The following NAALADL2 variants were observed in gnomAD, a reference collection of about 807,000 sequenced individuals.
NAALADL2 encodes the protein inactive N-acetylated-alpha-linked acidic dipeptidase-like protein 2.
In NAALADL2, 76 loss-of-function variants were observed where a neutral mutation model predicts 87.2. That is an observed-to-expected ratio of 0.87 (90% CI 0.72 to 1.05). NAALADL2 has a LOEUF of 1.05. Ranked by LOEUF, NAALADL2 falls within the 50% of genes least tolerant of loss-of-function variation. The pLI is 0.00. For missense variants in NAALADL2, 1,089 were observed against 945.8 expected, an observed-to-expected ratio of 1.15 and a Z score of -1.99; for synonymous variants, 354 against 331.0, an observed-to-expected ratio of 1.07 and a Z score of -0.75.
At chr3:175,393,310 A>AT (rs1769316360) in intron 5 of NAALADL2, among the ~76,000 whole-genome samples, 1 of 149,148 alleles carries the variant, frequency 6.7e-6, no homozygotes, top group Non-Finnish European at 1.5e-5. Flanking sequence ...AAAAAAAAAA[A>AT]AAAAAATTGT....
chr3:175,583,476 G>T (rs925344489), intron 10 of NAALADL2, among the ~76,000 whole-genome samples: 1 of 125,634 alleles, frequency 8.0e-6, no homozygotes, highest in Non-Finnish European at 1.6e-5. Context: ...ACGACAATCT[G>T]AAAGGATGAG....
At chr3:174,753,184 C>T (rs1376985177) in intron 3 of NAALADL2, among the ~76,000 whole-genome samples, 1 of 152,132 alleles carries the variant, frequency 6.6e-6, no homozygotes, top group African/African-American at 2.4e-5. Flanking sequence ...AGCGATTCTC[C>T]TGCCTCAGCC....
chr3:174,899,188 T>G (rs1290555621), intron 1 of NAALADL2, among the ~76,000 whole-genome samples: 1 of 152,172 alleles, frequency 6.6e-6, no homozygotes, highest in East Asian at 1.9e-4. Flanking sequence ...TTAACTAAAT[T>G]TTATGCTATT....
intron 3 of NAALADL2, among the ~76,000 whole-genome samples, chr3:174,818,005 A>G (rs1486770479): frequency 6.6e-6 from 1 of 152,160 alleles, no homozygotes; most frequent in African/African-American, 2.4e-5. Context: ...TGTTCTTCAA[A>G]ATGCAACCCG....
chr3:174,979,307 T>TTC (rs1553909032), intron 1 of NAALADL2, among the ~76,000 whole-genome samples: 1 of 140,348 alleles, frequency 7.1e-6, no homozygotes, highest in South Asian at 2.2e-4. Context: ...TTCTTTTCTT[T>TTC]TTTTTTTTTT....
chr3:175,148,804 T>C (rs1553790508), intron 2 of NAALADL2, among the ~76,000 whole-genome samples: 1 of 152,154 alleles, frequency 6.6e-6, no homozygotes, highest in Non-Finnish European at 1.5e-5. Context: ...GGTCTATGTG[T>C]CTCTTTTTGT....
At chr3:174,628,855 T>C (rs553114340) in intron 2 of NAALADL2, among the ~76,000 whole-genome samples, 1 of 152,352 alleles carries the variant, frequency 6.6e-6, no homozygotes, top group East Asian at 1.9e-4. Context: ...TGTACCCTGA[T>C]CGAGGAACTT....
chr3:174,899,493 G>A (rs1732044182), intron 1 of NAALADL2, among the ~76,000 whole-genome samples: 1 of 152,126 alleles, frequency 6.6e-6, no homozygotes, highest in East Asian at 1.9e-4. Flanking sequence ...TTGCTTAAAA[G>A]TGTGTGGCAC....
chr3:175,417,757 C>T (rs1392015746), intron 5 of NAALADL2, among the ~76,000 whole-genome samples: 1 of 152,104 alleles, frequency 6.6e-6, no homozygotes, highest in African/African-American at 2.4e-5. Flanking sequence ...TAGTGTGTAA[C>T]ACATATTTAG....
At chr3:175,512,718 T>G (rs1224178100) in intron 9 of NAALADL2, among the ~76,000 whole-genome samples, 1 of 152,140 alleles carries the variant, frequency 6.6e-6, no homozygotes, top group Non-Finnish European at 1.5e-5. Context: ...AGACCAGCAG[T>G]CTTCCAAATG....
chr3:174,648,500 C>T (rs1560116468), intron 2 of NAALADL2, among the ~76,000 whole-genome samples: 1 of 152,052 alleles, frequency 6.6e-6, no homozygotes, highest in Non-Finnish European at 1.5e-5. Flanking sequence ...AAAATCTATG[C>T]TAAGTATATA....
chr3:175,399,114 A>G (rs1389219856), intron 5 of NAALADL2, among the ~76,000 whole-genome samples: 1 of 152,100 alleles, frequency 6.6e-6, no homozygotes, highest in Non-Finnish European at 1.5e-5. Flanking sequence ...CTAAGTTAAA[A>G]AGAAAAAGAT....
intron 6 of NAALADL2, among the ~76,000 whole-genome samples, chr3:175,459,673 G>A (rs1056493689): frequency 2.0e-5 from 3 of 152,100 alleles, no homozygotes; most frequent in African/African-American, 7.2e-5. Context: ...TGCTACACTA[G>A]GAGGAGACAA....
In NAALADL2 at chr3:175,621,673, T is replaced by TA. The variant is rs926542344; in HGVS notation, c.1801-5612dup. ...ACTACAATAAGAAAAATACTATAAA[T>TA]AAAAAATATAACAACTATTTACATA... On this transcript the variant is annotated intron_variant, in intron 10 of 13. Coordinates refer to ENST00000454872, the MANE Select transcript of NAALADL2 (RefSeq NM_207015.3). Among the ~76,000 whole-genome samples the TA allele has an allele frequency of 1.3e-4, 20 of 152,220 alleles. 2 individuals carry two copies. The Middle Eastern group carries it at 0.014, about 104-fold the overall frequency.
intron 9 of NAALADL2, among the ~76,000 whole-genome samples, chr3:175,546,076 G>T (rs1358745608): frequency 1.3e-5 from 2 of 152,136 alleles, no homozygotes; most frequent in Non-Finnish European, 2.9e-5. Flanking sequence ...CAGGGAAGTG[G>T]AAACTGGTAG....
At position 175,459,894 on chromosome 3, in the gene NAALADL2, C is replaced by T. The variant is rs117692756; in HGVS notation, c.1235-3507C>T. ...CGTTTTTACCTAAGTTTAATCATTA[C>T]GTATATCTCTCTGTATTCTTTTCAC... On this transcript the variant is annotated intron_variant, in intron 6 of 13. Coordinates refer to ENST00000454872, the MANE Select transcript of NAALADL2 (RefSeq NM_207015.3). 7.2e-4 allele frequency among the ~76,000 whole-genome samples: 109 copies of T among 152,222 alleles called. 1 individual carries two copies. In the East Asian group the frequency reaches 0.019, roughly 26 times the overall value.
rs1162895791 is a variant in NAALADL2, at chr3:175,804,844, T to A, written c.*1641T>A. The A allele has an allele frequency of 6.6e-6, 1 of 151,926 alleles. No individual in the cohort carries two copies. Among genetic ancestry groups the A allele is most frequent in the Non-Finnish European group, 1.5e-5 (1 of 67,864 alleles). The allele number at this position is 151,926 out of a possible 1,614,324, so 9.4% of individuals were successfully genotyped here. Reference sequence around the variant, plus strand: ...AAAGCAGGGAATAGAGGCAATTAGCTAGATAATTCAAGCAGAAATCCATTT... The same window carrying A: ...AAAGCAGGGAATAGAGGCAATTAGCAAGATAATTCAAGCAGAAATCCATTT... On this transcript the variant is annotated 3_prime_UTR_variant, in exon 14 of 14. Coordinates refer to ENST00000454872, the MANE Select transcript of NAALADL2 (RefSeq NM_207015.3).
intron 1 of NAALADL2, among the ~76,000 whole-genome samples, chr3:174,483,463 C>A (rs1717683224): frequency 6.6e-6 from 1 of 152,038 alleles, no homozygotes; most frequent in Admixed American, 6.6e-5. Flanking sequence ...TTACCTCCAT[C>A]TGTTCTCTCC....
chr3:174,592,671 T>A (rs950137901), intron 2 of NAALADL2, among the ~76,000 whole-genome samples: 9 of 152,170 alleles, frequency 5.9e-5, no homozygotes. Context: ...AGTTGTTGTC[T>A]AATTTGGCTC....
Sources: gnomAD v4.1 joint callset for allele counts (sites outside exome capture counted in the v4.1 genomes callset) on GRCh38, gnomAD v4.1.1 for gene constraint, MANE v1.5 for transcripts, NCBI Gene and HGNC (gene_info 2026-07-23, HGNC 2026-07-21) for gene names.